Variants in AGBL4 observed in about 807,000 individuals in gnomAD.
AGBL4 encodes cytosolic carboxypeptidase 6.
Under a neutral mutation model 66.4 loss-of-function variants are expected in AGBL4, and 58 were observed. The observed-to-expected ratio is 0.87, with a 90% CI of 0.71 to 1.09. AGBL4 has a LOEUF of 1.09. Ranked by LOEUF, AGBL4 falls within the 50% of genes least tolerant of loss-of-function variation. AGBL4 has a pLI of 0.00. For missense variants in AGBL4, 579 were observed against 631.0 expected (o/e 0.92, Z 0.88); for synonymous variants, 234 against 222.9 (o/e 1.05, Z -0.44).
At chr1:49,400,726 C>T (rs1645067175) in intron 3 of AGBL4, among the ~76,000 whole-genome samples, 1 of 152,146 alleles carries the variant, frequency 6.6e-6, no homozygotes, top group Non-Finnish European at 1.5e-5. Context: ...TATCCTGCAA[C>T]TTTATTGAAT....
intron 9 of AGBL4, among the ~76,000 whole-genome samples, chr1:48,614,084 T>C (rs969200332): frequency 6.6e-6 from 1 of 152,190 alleles, no homozygotes; most frequent in Non-Finnish European, 1.5e-5. Flanking sequence ...GGTCACCCTC[T>C]GATGAAAAGA....
At chr1:49,771,364 T>C (rs1357512825) in intron 2 of AGBL4, among the ~76,000 whole-genome samples, 1 of 152,148 alleles carries the variant, frequency 6.6e-6, no homozygotes, top group African/African-American at 2.4e-5. Context: ...AAATGATACA[T>C]GATATGGCAT....
intron 5 of AGBL4, among the ~76,000 whole-genome samples, chr1:48,907,510 A>AG (rs1019830468): frequency 6.6e-6 from 1 of 152,078 alleles, no homozygotes; most frequent in Admixed American, 6.6e-5. Context: ...GGAGCAAGCC[A>AG]GGGGGGAAAG....
At chr1:49,017,792 C>T (rs147604594) in intron 5 of AGBL4, among the ~76,000 whole-genome samples, 110 of 152,230 alleles carry the variant, frequency 7.2e-4, no homozygotes, top group African/African-American at 2.6e-3. Flanking sequence ...ACAGTAACTT[C>T]CAGAGAGGGG....
chr1:49,337,848 A>G (rs1440262660), intron 3 of AGBL4, among the ~76,000 whole-genome samples: 1 of 152,198 alleles, frequency 6.6e-6, no homozygotes, highest in Admixed American at 6.5e-5. Flanking sequence ...TCTATTGCAA[A>G]GTGCCAATCT....
At chr1:50,018,335 T>A (rs985379871) in intron 1 of AGBL4, among the ~76,000 whole-genome samples, 2 of 152,130 alleles carry the variant, frequency 1.3e-5, no homozygotes, top group African/African-American at 4.8e-5. Context: ...TCCCATTAAA[T>A]AAATGAGGAA....
At chr1:48,978,433 G>T (rs1208987092) in intron 5 of AGBL4, among the ~76,000 whole-genome samples, 1 of 152,110 alleles carries the variant, frequency 6.6e-6, no homozygotes, top group East Asian at 1.9e-4. Flanking sequence ...TAGCTGTTGG[G>T]TCCAGCTTCC....
At chr1:49,057,352 A>T (rs559214494) in intron 4 of AGBL4, among the ~76,000 whole-genome samples, 3 of 152,348 alleles carry the variant, frequency 2.0e-5, no homozygotes, top group Admixed American at 2.0e-4. Context: ...AAGGAGGTTC[A>T]GGCTGCAGTG....
chr1:49,744,051 T>A lies in AGBL4; in HGVS notation c.158-46614A>T, dbSNP rs376376447. ...CACATGTACCCTAAAACTTAAAGTA[T>A]AATAAAAAAAAAAGATAGTCTTAGA... On this transcript the variant is annotated intron_variant, in intron 2 of 13. Transcript: ENST00000371839. Among the ~76,000 whole-genome samples the A allele has an allele frequency of 6.0e-5, 9 of 150,934 alleles. No individual in the cohort carries two copies. In the East Asian group the frequency reaches 1.6e-3, roughly 26 times the overall value.
intron 3 of AGBL4, among the ~76,000 whole-genome samples, chr1:49,284,107 G>A (rs1436447464): frequency 6.6e-6 from 1 of 151,968 alleles, no homozygotes; most frequent in African/African-American, 2.4e-5. Flanking sequence ...AAATGTTAAG[G>A]GAAGCCAGAG....
At chr1:49,394,409 T>C (rs1644912184) in intron 3 of AGBL4, among the ~76,000 whole-genome samples, 1 of 152,050 alleles carries the variant, frequency 6.6e-6, no homozygotes, top group Non-Finnish European at 1.5e-5. Flanking sequence ...GAAATTCATG[T>C]TCAAAATCCT....
chr1:48,846,293 AAGAT>A (rs201776523), intron 6 of AGBL4, among the ~76,000 whole-genome samples: 18 of 150,864 alleles, frequency 1.2e-4, no homozygotes, highest in South Asian at 2.1e-4. Context: ...CAAGATTTGT[AAGAT>A]AGATAGATAG....
downstream of AGBL4, among the ~76,000 whole-genome samples, chr1:48,531,198 CTT>C (rs67902508): frequency 2.5e-3 from 319 of 129,888 alleles, 1 homozygote; most frequent in Middle Eastern, 8.3e-3. Context: ...TTATAGCCAG[CTT>C]TTTTTTTTCT....
chr1:49,478,916 G>A (rs1008319598), intron 3 of AGBL4, among the ~76,000 whole-genome samples: 1 of 151,604 alleles, frequency 6.6e-6, no homozygotes. Context: ...AGTTGTTATC[G>A]GCTTATAATA....
intron 1 of AGBL4, among the ~76,000 whole-genome samples, chr1:49,961,437 A>G (rs1367915303): frequency 6.6e-6 from 1 of 152,018 alleles, no homozygotes; most frequent in Non-Finnish European, 1.5e-5. Flanking sequence ...CCCAGGATTT[A>G]GAGGCTGCAG....
At chr1:49,775,092 C>T (rs1644163196) in intron 2 of AGBL4, among the ~76,000 whole-genome samples, 1 of 151,944 alleles carries the variant, frequency 6.6e-6, no homozygotes, top group East Asian at 1.9e-4. Flanking sequence ...GAAATATTTA[C>T]AAGATATTGA....
At chr1:49,782,914 T>C (rs975808789) in intron 2 of AGBL4, among the ~76,000 whole-genome samples, 1 of 152,174 alleles carries the variant, frequency 6.6e-6, no homozygotes, top group Non-Finnish European at 1.5e-5. Context: ...TTTCTGTTTA[T>C]TGCAAATTAT....
chr1:49,730,737 C>T (rs1649377322), intron 2 of AGBL4, among the ~76,000 whole-genome samples: 1 of 152,172 alleles, frequency 6.6e-6, no homozygotes, highest in Non-Finnish European at 1.5e-5. Context: ...AAGCCAACTA[C>T]AGCCTGCCAG....
chr1:49,331,126 G>C (rs924528834), intron 3 of AGBL4, among the ~76,000 whole-genome samples: 4 of 151,922 alleles, frequency 2.6e-5, no homozygotes, highest in African/African-American at 9.7e-5. Flanking sequence ...GCTGTGTGGA[G>C]TCTCGGCAGA....
Sources: allele counts gnomAD v4.1 joint callset (sites outside exome capture counted in the v4.1 genomes callset), GRCh38; gene constraint gnomAD v4.1.1; transcripts MANE v1.5; gene names NCBI Gene and HGNC (gene_info 2026-07-23, HGNC 2026-07-21).